Variants in PIK3R3 observed in about 807,000 individuals in gnomAD.
PIK3R3 encodes the protein phosphoinositide-3-kinase regulatory subunit 3.
PIK3R3 carries 64 observed loss-of-function variants against 62.9 expected under a neutral mutation model. That is an observed-to-expected ratio of 1.02 (90% CI 0.83 to 1.25). The LOEUF is 1.25. Ranked by LOEUF, PIK3R3 falls within the 50% of genes most tolerant of loss-of-function variation. PIK3R3 has a pLI of 0.00. For synonymous variants in PIK3R3, 165 were observed against 189.0 expected (o/e 0.87, Z 1.04); for missense variants, 614 against 561.6 (o/e 1.09, Z -0.94).
chr1:46,173,075 G>A, the PIK3R3 span, among the ~76,000 whole-genome samples: 3 of 152,152 alleles, frequency 2.0e-5, no homozygotes, highest in Admixed American at 6.5e-5. Context: ...TAGTTGGATG[G>A]TGTGTTAGTG....
At chr1:46,060,214 G>A (rs993515261) in intron 6 of PIK3R3, among the ~76,000 whole-genome samples, 2 of 151,994 alleles carry the variant, frequency 1.3e-5, no homozygotes, top group Non-Finnish European at 1.5e-5. Context: ...TAGGCCAGGC[G>A]CAGTAGCTCA....
At chr1:46,067,519 G>A (rs897721178) in intron 3 of PIK3R3, among the ~76,000 whole-genome samples, 21 of 151,956 alleles carry the variant, frequency 1.4e-4, no homozygotes, top group Non-Finnish European at 2.9e-4. Context: ...GTATGTCTCT[G>A]TGGGGGGAGC....
chr1:46,135,736 G>A (rs527992709), upstream of PIK3R3, among the ~76,000 whole-genome samples: 10 of 152,218 alleles, frequency 6.6e-5, no homozygotes, highest in East Asian at 1.9e-3. Context: ...TTTTTTAAAA[G>A]CCTTGCAAAA....
chr1:46,070,031 G>C lies in PIK3R3; in HGVS notation c.315-2940C>G, dbSNP rs1470951121. Among the ~76,000 whole-genome samples the C allele has an allele frequency of 2.0e-5, 3 of 152,204 alleles. No homozygotes were observed. The South Asian group carries it at 6.2e-4, about 31-fold the overall frequency. On this transcript the variant is annotated intron_variant, in intron 3 of 9. Transcript: ENST00000262741. ...GGATTCAAGAAAATGAAAGAAGATA[G>C]AAATGCCCATAGACAAGTGTCTCGA...
At chr1:46,129,350 T>C (rs1655370852) in intron 1 of PIK3R3, among the ~76,000 whole-genome samples, 1 of 152,016 alleles carries the variant, frequency 6.6e-6, no homozygotes, top group African/African-American at 2.4e-5. Context: ...GAAAATTAAG[T>C]TGGAAGCAAA....
At chr1:46,159,103 A>G in the PIK3R3 span, among the ~76,000 whole-genome samples, 426 of 151,934 alleles carry the variant, frequency 2.8e-3, 2 homozygotes, top group African/African-American at 9.9e-3. Context: ...AAATAAATAA[A>G]TAAATAAATA....
At chr1:46,099,610 C>T (rs942356575) in intron 1 of PIK3R3, among the ~76,000 whole-genome samples, 2 of 152,162 alleles carry the variant, frequency 1.3e-5, no homozygotes, top group African/African-American at 4.8e-5. Flanking sequence ...CCGTTCTCTA[C>T]CATTACATGA....
At chr1:46,124,913 C>T (rs1326531978) in intron 1 of PIK3R3, among the ~76,000 whole-genome samples, 1 of 151,144 alleles carries the variant, frequency 6.6e-6, no homozygotes, top group South Asian at 2.1e-4. Flanking sequence ...GTCTGGCCAA[C>T]ATGGTGAAAC....
chr1:46,081,339 G>A (rs1650570115), intron 1 of PIK3R3, among the ~76,000 whole-genome samples: 1 of 152,124 alleles, frequency 6.6e-6, no homozygotes, highest in African/African-American at 2.4e-5. Flanking sequence ...TCTGTCCCGA[G>A]ACAGAGATTC....
Position 46,084,949 on chromosome 1 carries a change from G to A in PIK3R3, c.107-4199C>T, listed in dbSNP as rs117211006. Among the ~76,000 whole-genome samples, 113 of 152,268 alleles carry A rather than the reference G, an allele frequency of 7.4e-4. 1 individual carries two copies. In the East Asian group the frequency reaches 0.012, roughly 16 times the overall value. On this transcript the variant is annotated intron_variant, in intron 1 of 9. Coordinates refer to ENST00000262741, the MANE Select transcript of PIK3R3 (RefSeq NM_003629.4). ...AATCACCTTCAAACGGTGTTATGGA[G>A]ACTTTTCTACATCCCTTCACTGGAG...
chr1:46,144,333 T>TA, the PIK3R3 span, among the ~76,000 whole-genome samples: 1 of 152,186 alleles, frequency 6.6e-6, no homozygotes, highest in South Asian at 2.1e-4. Context: ...TAGAGCTTCT[T>TA]AAGGCCCAGC....
chr1:46,167,856 A>C, the PIK3R3 span, among the ~76,000 whole-genome samples: 1 of 152,174 alleles, frequency 6.6e-6, no homozygotes, highest in Admixed American at 6.5e-5. Flanking sequence ...CTTTAAGCCC[A>C]ATTTAAAAAC....
chr1:46,173,008 GA>G, the PIK3R3 span, among the ~76,000 whole-genome samples: 1 of 151,778 alleles, frequency 6.6e-6, no homozygotes, highest in African/African-American at 2.4e-5. Flanking sequence ...AAAAAGAAAA[GA>G]AAAAAGAAAC....
chr1:46,160,673 C>T, the PIK3R3 span, among the ~76,000 whole-genome samples: 1 of 152,262 alleles, frequency 6.6e-6, no homozygotes, highest in Non-Finnish European at 1.5e-5. Context: ...CTTCAGTCCT[C>T]TATCCTTAAT....
chr1:46,075,410 T>C (rs1382632085), intron 3 of PIK3R3, among the ~76,000 whole-genome samples: 1 of 152,058 alleles, frequency 6.6e-6, no homozygotes, highest in Non-Finnish European at 1.5e-5. Context: ...GCCCAGGAGT[T>C]TTGAGACCAG....
chr1:46,114,115 C>G (rs1321158130), intron 1 of PIK3R3, among the ~76,000 whole-genome samples: 1 of 152,158 alleles, frequency 6.6e-6, no homozygotes, highest in Non-Finnish European at 1.5e-5. Flanking sequence ...GACTAAACTA[C>G]AAAGATCACT....
intron 6 of PIK3R3, among the ~76,000 whole-genome samples, chr1:46,059,218 G>C (rs1330901711): frequency 6.6e-6 from 1 of 152,206 alleles, no homozygotes; most frequent in Non-Finnish European, 1.5e-5. Context: ...ACGTGGAACT[G>C]TAAGTCCAAT....
At chr1:46,129,450 G>A (rs1354436692) in intron 1 of PIK3R3, among the ~76,000 whole-genome samples, 3 of 143,772 alleles carry the variant, frequency 2.1e-5, no homozygotes, top group Non-Finnish European at 4.7e-5. Flanking sequence ...TATTTTGTAG[G>A]CAAAGGGAAG....
At position 46,131,871 on chromosome 1, in the gene PIK3R3, A is replaced by G. The variant is rs771670552; in HGVS notation, c.82T>C (p.Phe28Leu). The G allele has an allele frequency of 2.6e-5, 42 of 1,613,350 alleles. No homozygotes were observed. The highest frequency in any genetic ancestry group is 3.4e-5 in the Non-Finnish European group (40 of 1,179,616). Residue 28 changes from phenylalanine to leucine, a missense_variant, in exon 1 of 10, where the codon TTT becomes CTT. Coordinates refer to ENST00000262741, the MANE Select transcript of PIK3R3 (RefSeq NM_003629.4). ...VMMPYSTELIFYIEMDPPALP... is the reference protein window; with the variant it reads ...VMMPYSTELILYIEMDPPALP... ...CCTGGAGGATCCATTTCAATATAAA[A>G]TATCAGTTCTGTCGAATAGGGCATC...
Sources: allele counts gnomAD v4.1 joint callset (sites outside exome capture counted in the v4.1 genomes callset), GRCh38; gene constraint gnomAD v4.1.1; transcripts MANE v1.5; gene names NCBI Gene and HGNC (gene_info 2026-07-23, HGNC 2026-07-21).